GRIN2A: variants seen among roughly 807,000 people sequenced by gnomAD.
GRIN2A encodes glutamate receptor ionotropic, NMDA 2A.
In GRIN2A, 22 loss-of-function variants were observed where a neutral mutation model predicts 113.4. The ratio of observed to expected loss-of-function variants is 0.19; its 90% CI spans 0.14 to 0.28. The LOEUF (loss-of-function observed/expected upper bound fraction) is 0.28. GRIN2A is among the 10% of genes least tolerant of loss of function. GRIN2A has a pLI of 1.00. For missense variants in GRIN2A, 1,502 were observed against 1,887.0 expected (o/e 0.80, Z 3.78); for synonymous variants, 827 against 738.4 (o/e 1.12, Z -1.94).
intron 5 of GRIN2A, among the ~76,000 whole-genome samples, chr16:9,849,146 T>C (rs968760984): frequency 7.6e-6 from 1 of 132,204 alleles, no homozygotes; most frequent in Non-Finnish European, 1.6e-5. Flanking sequence ...ATACACTGTT[T>C]TATATATTTA....
chr16:10,109,889 T>TA (rs905038038), intron 2 of GRIN2A, among the ~76,000 whole-genome samples: 4 of 143,094 alleles, frequency 2.8e-5, no homozygotes, highest in Non-Finnish European at 6.3e-5. Flanking sequence ...ACAAAAAAAA[T>TA]AAAATTTTTT....
chr16:9,885,650 C>T (rs980137348), intron 4 of GRIN2A, among the ~76,000 whole-genome samples: 2 of 152,192 alleles, frequency 1.3e-5, no homozygotes, highest in Admixed American at 6.5e-5. Flanking sequence ...AAATCGCCTC[C>T]GAGTCCCAGA....
chr16:10,011,298 C>A (rs1406199642), intron 2 of GRIN2A, among the ~76,000 whole-genome samples: 1 of 152,126 alleles, frequency 6.6e-6, no homozygotes, highest in East Asian at 1.9e-4. Flanking sequence ...CAAGTTCACC[C>A]CTGAATATTT....
At chr16:10,151,111 C>T (rs775256186) in intron 2 of GRIN2A, among the ~76,000 whole-genome samples, 6 of 152,164 alleles carry the variant, frequency 3.9e-5, no homozygotes, top group Non-Finnish European at 7.3e-5. Context: ...CCATCAATGC[C>T]CTCGGGGAAT....
intron 2 of GRIN2A, among the ~76,000 whole-genome samples, chr16:10,056,401 C>T (rs368115239): frequency 1.3e-5 from 2 of 152,082 alleles, no homozygotes; most frequent in Non-Finnish European, 2.9e-5. Context: ...CTTCCCCTTC[C>T]AGCCAGGCTG....
chr16:9,837,368 G>A (rs1336521175), intron 7 of GRIN2A, among the ~76,000 whole-genome samples: 1 of 151,766 alleles, frequency 6.6e-6, no homozygotes, highest in Non-Finnish European at 1.5e-5. Context: ...GCTAAATTTA[G>A]CAAAATACTT....
chr16:9,930,278 G>A (rs1567181966), intron 3 of GRIN2A, among the ~76,000 whole-genome samples: 1 of 152,140 alleles, frequency 6.6e-6, no homozygotes, highest in East Asian at 1.9e-4. Context: ...CTGCATTTAA[G>A]TGGTATCATC....
At chr16:9,843,112 A>G (rs1377970494) in intron 5 of GRIN2A, among the ~76,000 whole-genome samples, 1 of 151,976 alleles carries the variant, frequency 6.6e-6, no homozygotes, top group Non-Finnish European at 1.5e-5. Context: ...ATAAAGGAGG[A>G]AACGAGGAAA....
At chr16:10,020,483 G>C (rs1280154541) in intron 2 of GRIN2A, among the ~76,000 whole-genome samples, 1 of 152,192 alleles carries the variant, frequency 6.6e-6, no homozygotes, top group Admixed American at 6.5e-5. Context: ...AGTTCTGCAC[G>C]TTATTATTTC....
chr16:9,947,339 T>C (rs1027877954), intron 2 of GRIN2A, among the ~76,000 whole-genome samples: 1 of 152,188 alleles, frequency 6.6e-6, no homozygotes, highest in African/African-American at 2.4e-5. Context: ...ACATGACAAG[T>C]TGCCACCAAT....
At chr16:9,910,005 G>T (rs572407960) in intron 3 of GRIN2A, among the ~76,000 whole-genome samples, 40 of 152,266 alleles carry the variant, frequency 2.6e-4, no homozygotes, top group African/African-American at 9.4e-4. Flanking sequence ...GTAGCCTAAT[G>T]TTTTCAAGGT....
chr16:9,854,373 C>T (rs2042933993), intron 4 of GRIN2A, among the ~76,000 whole-genome samples: 1 of 151,798 alleles, frequency 6.6e-6, no homozygotes, highest in South Asian at 2.1e-4. Context: ...CAGCATCATC[C>T]TAACACCATT....
At chr16:9,922,543 G>T (rs1035814916) in intron 3 of GRIN2A, among the ~76,000 whole-genome samples, 6 of 152,094 alleles carry the variant, frequency 3.9e-5, no homozygotes, top group Non-Finnish European at 7.3e-5. Context: ...CATTCTTCAT[G>T]CCCTCATACC....
At chr16:9,840,594 G>A (rs1247633534) in intron 7 of GRIN2A, 53 bp downstream of exon 7, 1 of 1,545,468 alleles carries the variant, frequency 6.5e-7, no homozygotes, top group Non-Finnish European at 8.9e-7. Flanking sequence ...GAGCAAACAA[G>A]ATTTCCTACA....
intron 9 of GRIN2A, among the ~76,000 whole-genome samples, chr16:9,828,324 G>A (rs1432701697): frequency 6.6e-6 from 1 of 152,186 alleles, no homozygotes; most frequent in Non-Finnish European, 1.5e-5. Context: ...GCACTCTCAT[G>A]CCTTTGTGGA....
intron 9 of GRIN2A, among the ~76,000 whole-genome samples, 177 bp from the exon 10 acceptor site, chr16:9,822,601 C>T (rs1052418861): frequency 1.3e-5 from 2 of 152,132 alleles, no homozygotes; most frequent in Admixed American, 1.3e-4. Flanking sequence ...TCTACTTAGT[C>T]ACATCTTCAG....
At chr16:9,859,635 CACACACACAG>C (rs1352572591) in intron 4 of GRIN2A, among the ~76,000 whole-genome samples, 4 of 150,922 alleles carry the variant, frequency 2.7e-5, no homozygotes, top group Non-Finnish European at 4.4e-5. Flanking sequence ...CACACACACA[CACACACACAG>C]AGAGGATATG....
chr16:10,003,135 A>C (rs1163234687), intron 2 of GRIN2A, among the ~76,000 whole-genome samples: 2 of 152,200 alleles, frequency 1.3e-5, no homozygotes, highest in Non-Finnish European at 2.9e-5. Flanking sequence ...CACATTTCTT[A>C]GAGGCCTCCA....
chr16:9,963,889 A>T (rs891535682), intron 2 of GRIN2A, among the ~76,000 whole-genome samples: 3 of 152,208 alleles, frequency 2.0e-5, no homozygotes, highest in African/African-American at 7.2e-5. Flanking sequence ...TGTGCCAGAC[A>T]TAGTGCCATG....
Sources: allele counts gnomAD v4.1 joint callset (sites outside exome capture counted in the v4.1 genomes callset), GRCh38; gene constraint gnomAD v4.1.1; transcripts MANE v1.5; gene names NCBI Gene and HGNC (gene_info 2026-07-23, HGNC 2026-07-21).